SBF2: variants seen among roughly 807,000 people sequenced by gnomAD.
The protein encoded by SBF2 is myotubularin-related protein 13.
In SBF2, 112 loss-of-function variants were observed where a neutral mutation model predicts 225.2. The observed-to-expected ratio is 0.50, with a 90% CI of 0.43 to 0.58. The LOEUF is 0.58. SBF2 is among the 20% of genes least tolerant of loss of function. The probability of loss-of-function intolerance (pLI) is 0.00; values close to 1 mark genes in which losing one functional copy is unlikely to be tolerated. For missense variants in SBF2, 1,996 were observed against 2,206.2 expected (o/e 0.90, Z 1.91); for synonymous variants, 763 against 773.3 (o/e 0.99, Z 0.22).
chr11:10,233,980 C>T (rs1055618890), intron 1 of SBF2, among the ~76,000 whole-genome samples: 1 of 152,182 alleles, frequency 6.6e-6, no homozygotes, highest in African/African-American at 2.4e-5. Context: ...CCTCAATCAA[C>T]CTCTTGCACT....
At chr11:9,886,256 C>T (rs1028949739) in intron 17 of SBF2, among the ~76,000 whole-genome samples, 6 of 152,158 alleles carry the variant, frequency 3.9e-5, no homozygotes, top group African/African-American at 1.4e-4. Flanking sequence ...ACTTCTATTC[C>T]AAAGTAGAAA....
rs1272024294 is a variant in SBF2 at position 10,006,999 on chromosome 11, C to T, written c.620-4310G>A. On this transcript the variant is annotated intron_variant, in intron 6 of 39. Coordinates refer to ENST00000256190, the MANE Select transcript of SBF2 (RefSeq NM_030962.4). ...AGGCCGTCGGCACAAGAGACCCATA[C>T]GACAGACATGAAGGCTGGTCTCGGG... 6.6e-5 allele frequency among the ~76,000 whole-genome samples: 10 copies of T among 152,156 alleles called. 1 individual carries two copies. Among genetic ancestry groups the T allele is most frequent in the Non-Finnish European group, 7.3e-5 (5 of 68,034 alleles).
chr11:10,297,614 C>G (rs565044333), upstream of SBF2, among the ~76,000 whole-genome samples: 1 of 152,182 alleles, frequency 6.6e-6, no homozygotes, highest in South Asian at 2.1e-4. Context: ...TTTGCAAGTA[C>G]TCATTTAAAT....
At chr11:9,786,790 A>G (rs1852401668) in intron 36 of SBF2, among the ~76,000 whole-genome samples, 1 of 152,236 alleles carries the variant, frequency 6.6e-6, no homozygotes, top group African/African-American at 2.4e-5. Context: ...TACTGTACTA[A>G]GCACAGACCC....
At chr11:10,006,408 C>T (rs1948191818) in intron 6 of SBF2, among the ~76,000 whole-genome samples, 1 of 152,172 alleles carries the variant, frequency 6.6e-6, no homozygotes, top group Admixed American at 6.5e-5. Context: ...TATGACTTAC[C>T]ATATGCTTTT....
At chr11:9,978,039 G>T (rs1297315901) in intron 13 of SBF2, among the ~76,000 whole-genome samples, 1 of 152,056 alleles carries the variant, frequency 6.6e-6, no homozygotes, top group Non-Finnish European at 1.5e-5. Context: ...CAATAACAAG[G>T]AAAGAGTCAA....
chr11:10,066,466 C>T (rs1307325618), intron 2 of SBF2, among the ~76,000 whole-genome samples: 1 of 151,998 alleles, frequency 6.6e-6, no homozygotes, highest in Admixed American at 6.6e-5. Context: ...GAAAAGCAAT[C>T]AACAGAATTC....
rs757795698 is a variant in SBF2 at position 10,294,070 on chromosome 11, GGCC to G, written c.-4_-2del. ...TGAAGTAGTCAGCCAGCCGGGCCAT[GGCC>G]GCCGCCGCCGCGCTCGGGAAGCGGG... On this transcript the variant is annotated 5_prime_UTR_variant, in exon 1 of 40. Transcript: ENST00000256190. 1.2e-4 allele frequency: 171 copies of G among 1,374,504 alleles called. No individual in the cohort carries two copies. Among genetic ancestry groups the G allele is most frequent in the South Asian group, 9.6e-4 (54 of 56,060 alleles). The allele number at this position is 1,374,504 out of a possible 1,614,324, so 85.1% of individuals were successfully genotyped here.
At chr11:10,223,465 C>T (rs901528974) in intron 1 of SBF2, among the ~76,000 whole-genome samples, 83 of 113,466 alleles carry the variant, frequency 7.3e-4, no homozygotes, top group Non-Finnish European at 1.3e-3. Context: ...ATAAAGTAAG[C>T]TACAGAAAAG....
chr11:10,258,391 A>G (rs1961089599), intron 1 of SBF2, among the ~76,000 whole-genome samples: 1 of 152,218 alleles, frequency 6.6e-6, no homozygotes, highest in South Asian at 2.1e-4. Flanking sequence ...TTACAGGCAT[A>G]AGCCATTGTG....
At chr11:10,128,278 T>C (rs1054098860) in intron 2 of SBF2, among the ~76,000 whole-genome samples, 4 of 152,230 alleles carry the variant, frequency 2.6e-5, no homozygotes, top group Non-Finnish European at 4.4e-5. Flanking sequence ...TTTTACCTAC[T>C]ACCATATAGA....
Position 9,895,982 on chromosome 11 carries a change from A to T in SBF2, c.1890T>A (p.Ile630=). ...QDCSSLEEYN[I]AAALLPLTSA... ...TGGTCAAAGGGAGTAATGCTGCGGC[A>T]ATGTTGTATTCTTCTAAACTTGAAC... is the stretch of plus-strand genomic sequence containing the variant. The change falls in exon 17 of 40, where the codon ATT becomes ATA. Residue 630 remains isoleucine, a synonymous_variant. Transcript: ENST00000256190. 1.2e-6 allele frequency: 2 copies of T among 1,613,416 alleles called. No individual in the cohort carries two copies. The highest frequency in any genetic ancestry group is 1.7e-6 in the Non-Finnish European group (2 of 1,179,498).
chr11:9,813,387 G>C (rs1854298055), intron 29 of SBF2, among the ~76,000 whole-genome samples: 1 of 152,100 alleles, frequency 6.6e-6, no homozygotes, highest in Admixed American at 6.5e-5. Context: ...GAGCGCAATG[G>C]TGCGATCTTG....
intron 2 of SBF2, among the ~76,000 whole-genome samples, chr11:10,057,907 T>C (rs1950307090): frequency 6.6e-6 from 1 of 152,082 alleles, no homozygotes; most frequent in Non-Finnish European, 1.5e-5. Context: ...AATACCTCAC[T>C]AACATATCCC....
intron 1 of SBF2, among the ~76,000 whole-genome samples, chr11:10,207,925 T>C (rs952046698): frequency 1.3e-5 from 2 of 152,122 alleles, no homozygotes; most frequent in Non-Finnish European, 2.9e-5. Flanking sequence ...CAAGGGCCTA[T>C]TAAAACACCA....
intron 1 of SBF2, among the ~76,000 whole-genome samples, chr11:10,261,724 G>A (rs183048941): frequency 8.5e-5 from 13 of 152,262 alleles, no homozygotes; most frequent in Middle Eastern, 3.4e-3. Context: ...GAAACAGTCC[G>A]GGTATTCATC....
At chr11:10,061,731 T>C (rs551184642) in intron 2 of SBF2, among the ~76,000 whole-genome samples, 6 of 152,340 alleles carry the variant, frequency 3.9e-5, no homozygotes, top group African/African-American at 9.6e-5. Context: ...TGCTCATGTA[T>C]AGGAAGAATC....
At chr11:9,931,370 G>A (rs1300098955) in intron 16 of SBF2, among the ~76,000 whole-genome samples, 1 of 152,230 alleles carries the variant, frequency 6.6e-6, no homozygotes, top group East Asian at 1.9e-4. Flanking sequence ...ACAGACACCT[G>A]ATATAGATGG....
intron 28 of SBF2, among the ~76,000 whole-genome samples, chr11:9,823,555 C>G (rs1252669288): frequency 4.6e-5 from 7 of 150,804 alleles, no homozygotes; most frequent in African/African-American, 1.7e-4. Context: ...GCTCCTCTCA[C>G]AGTGGTATCT....
Sources: allele counts gnomAD v4.1 joint callset (sites outside exome capture counted in the v4.1 genomes callset), GRCh38; gene constraint gnomAD v4.1.1; transcripts MANE v1.5; gene names NCBI Gene and HGNC (gene_info 2026-07-23, HGNC 2026-07-21).